The following CPLANE1 variants were observed in gnomAD, a reference collection of about 807,000 sequenced individuals.
The protein encoded by CPLANE1 is ciliogenesis and planar polarity effector complex subunit 1.
A neutral mutation model predicts 362.5 loss-of-function variants in CPLANE1; 263 were observed. The observed-to-expected ratio is 0.73, with a 90% CI of 0.66 to 0.80. CPLANE1 has a LOEUF of 0.80. CPLANE1 is among the 30% of genes least tolerant of loss of function. CPLANE1 has a pLI of 0.00. For synonymous variants in CPLANE1, 1,212 were observed against 1,302.6 expected (o/e 0.93, Z 1.50); for missense variants, 3,461 against 3,793.4 (o/e 0.91, Z 2.30).
chr5:37,185,971 T>C (rs1783861509), intron 24 of CPLANE1, among the ~76,000 whole-genome samples: 1 of 152,210 alleles, frequency 6.6e-6, no homozygotes, highest in Non-Finnish European at 1.5e-5. Context: ...CCTCTCTGAA[T>C]ACACATCATA....
chr5:37,230,888 A>G lies in CPLANE1; in HGVS notation c.1100T>C (p.Leu367Pro). The change falls in exon 9 of 53, where the codon CTT becomes CCT. Residue 367 changes from leucine (L) to proline (P), a missense_variant. Around this residue, in one of 2 missense-constraint regions of CPLANE1, gnomAD observed 3,380 missense variants for 3,666.1 expected, o/e 0.92. Coordinates refer to ENST00000651892, the MANE Select transcript of CPLANE1 (RefSeq NM_001384732.1). ...IEFGPAEFIP[L>P]HPLITYRPQQ... ...TCACCTATACGTTATTAGTGGATGA[A>G]GAGGAATAAATTCTGCTGGGCCAAA... The G allele has an allele frequency of 6.5e-7, 1 of 1,538,426 alleles. No individual in the cohort carries two copies. Among genetic ancestry groups the G allele is most frequent in the Non-Finnish European group, 8.8e-7 (1 of 1,140,624 alleles).
chr5:37,225,129 G>A (rs761362029), intron 12 of CPLANE1, among the ~76,000 whole-genome samples: 2 of 151,686 alleles, frequency 1.3e-5, no homozygotes, highest in African/African-American at 4.8e-5. Flanking sequence ...AATTGCAGTG[G>A]CTCCATCACA....
At chr5:37,204,123 C>A (rs950477900) in intron 18 of CPLANE1, among the ~76,000 whole-genome samples, 7 of 152,138 alleles carry the variant, frequency 4.6e-5, no homozygotes, top group Admixed American at 3.9e-4. Context: ...ATATTTTAGT[C>A]CCTTCTTTAA....
At chr5:37,165,420 T>A in intron 36 of CPLANE1, 119 bp downstream of exon 36, 3 of 930,284 alleles carry the variant, frequency 3.2e-6, no homozygotes, top group South Asian at 2.9e-5. Context: ...CTGAATGATA[T>A]GAAGATCCTC....
Position 37,224,541 on chromosome 5 carries a change from A to G in CPLANE1, c.2491T>C (p.Ser831Pro). 6.5e-7 allele frequency: 1 copy of G among 1,547,460 alleles called. No homozygotes were observed. The highest frequency in any genetic ancestry group is 8.7e-7 in the Non-Finnish European group (1 of 1,143,346). ...DCLNQTLELK[S>P]INGEECFLLG... ...TTCATAAGATACTGACCATTGATAG[A>G]TTTAAGTTCTAAGGTTTGATTCAAG... The change falls in exon 13 of 53, where the codon TCT (serine) becomes CCT (proline). Residue 831 changes from serine to proline, a missense_variant. By Grantham distance (74) the Ser-to-Pro change is moderately conservative. This residue lies in a region of CPLANE1 where 3,380 missense variants were observed against 3,666.1 expected (regional missense o/e 0.92). Transcript: ENST00000651892.
chr5:37,224,332 C>A lies in CPLANE1; in HGVS notation c.2502G>T (p.Gly834=). ...NQTLELKSIN[G]EECFLLGSYE... Reference sequence around the variant, plus strand: ...ATGATCCTAATAAAAAACATTCTTCCCCTAGAAAGTTTTTAACCAACAATT... The same window carrying A: ...ATGATCCTAATAAAAAACATTCTTCACCTAGAAAGTTTTTAACCAACAATT... Residue 834 remains glycine, a splice_region_variant and synonymous_variant, in exon 14 of 53, where the codon GGG becomes GGT. Coordinates refer to ENST00000651892, the MANE Select transcript of CPLANE1 (RefSeq NM_001384732.1). The A allele has an allele frequency of 6.5e-7, 1 of 1,540,718 alleles. No individual in the cohort carries two copies. Among genetic ancestry groups the A allele is most frequent in the Admixed American group, 2.0e-5 (1 of 49,858 alleles).
intron 43 of CPLANE1, among the ~76,000 whole-genome samples, 179 bp downstream of exon 43, chr5:37,148,002 C>A (rs545252199): frequency 1.5e-5 from 2 of 131,714 alleles, no homozygotes; most frequent in Non-Finnish European, 3.2e-5. Context: ...AAAAAAAGGC[C>A]GTGAGGTGGA....
intron 50 of CPLANE1, among the ~76,000 whole-genome samples, chr5:37,116,657 T>C (rs1056703957): frequency 6.6e-6 from 1 of 151,544 alleles, no homozygotes; most frequent in Non-Finnish European, 1.5e-5. Flanking sequence ...GAAGCAGGGC[T>C]GAAGAAATTA....
At chr5:37,170,361 C>A (rs189321984) in intron 32 of CPLANE1, 30 bp from the exon 33 acceptor site, 1 of 1,579,116 alleles carries the variant, frequency 6.3e-7, no homozygotes, top group African/African-American at 1.4e-5. Flanking sequence ...GAAGCGATAT[C>A]TTAAAATATA....
intron 26 of CPLANE1, among the ~76,000 whole-genome samples, chr5:37,181,470 T>C (rs558959918): frequency 7.9e-4 from 120 of 152,302 alleles, no homozygotes; most frequent in Admixed American, 2.0e-3. Flanking sequence ...GGATGACTAA[T>C]ATCACAGTAT....
chr5:37,114,761 G>A (rs538804325), intron 51 of CPLANE1, among the ~76,000 whole-genome samples, 199 bp downstream of exon 51: 7 of 152,072 alleles, frequency 4.6e-5, no homozygotes, highest in African/African-American at 1.4e-4. Flanking sequence ...TTAACCGGGC[G>A]CGGTGGTGGG....
At chr5:37,152,119 T>C (rs1406508434) in intron 42 of CPLANE1, among the ~76,000 whole-genome samples, 1 of 152,200 alleles carries the variant, frequency 6.6e-6, no homozygotes, top group Non-Finnish European at 1.5e-5. Flanking sequence ...AAGTCAATAA[T>C]GGAATTCTTA....
chr5:37,212,532 G>A (rs951392305), intron 16 of CPLANE1, among the ~76,000 whole-genome samples: 4 of 151,356 alleles, frequency 2.6e-5, no homozygotes, highest in South Asian at 2.1e-4. Flanking sequence ...AAATGTTTTC[G>A]TATTATCAAT....
At chr5:37,128,207 A>G (rs1341932269) in intron 46 of CPLANE1, among the ~76,000 whole-genome samples, 1 of 152,174 alleles carries the variant, frequency 6.6e-6, no homozygotes, top group Non-Finnish European at 1.5e-5. Flanking sequence ...GGGTTTCCCT[A>G]TGTTGCCCCT....
At chr5:37,243,722 C>A (rs1240456907) in intron 5 of CPLANE1, among the ~76,000 whole-genome samples, 2 of 144,254 alleles carry the variant, frequency 1.4e-5, no homozygotes, top group African/African-American at 2.5e-5. Context: ...ATATAATATA[C>A]ATGTATTATA....
chr5:37,233,303 G>T (rs1024003778), intron 8 of CPLANE1, among the ~76,000 whole-genome samples: 10 of 152,156 alleles, frequency 6.6e-5, no homozygotes, highest in Admixed American at 5.2e-4. Flanking sequence ...CTATCACCCT[G>T]CTGTGGGCTG....
At chr5:37,125,010 T>C in intron 47 of CPLANE1, 1 of 1,277,796 alleles carries the variant, frequency 7.8e-7, no homozygotes, top group Non-Finnish European at 9.8e-7. Flanking sequence ...TAGCCATCAT[T>C]AGCCTGGGGG....
intron 38 of CPLANE1, among the ~76,000 whole-genome samples, chr5:37,160,609 T>C (rs1042143506): frequency 6.6e-6 from 1 of 151,572 alleles, no homozygotes; most frequent in African/African-American, 2.4e-5. Flanking sequence ...TCATCATTTA[T>C]ATCAAAACCA....
chr5:37,079,568 T>C, the CPLANE1 span, among the ~76,000 whole-genome samples: 1 of 152,216 alleles, frequency 6.6e-6, no homozygotes, highest in Non-Finnish European at 1.5e-5. Context: ...AGCTGGGTCA[T>C]TCCCAATTTC....
Sources: gnomAD v4.1 joint callset for allele counts (sites outside exome capture counted in the v4.1 genomes callset) on GRCh38, gnomAD v4.1.1 for gene constraint, gnomAD v4.1.1 regional missense constraint, MANE v1.5 for transcripts, NCBI Gene and HGNC (gene_info 2026-07-23, HGNC 2026-07-21) for gene names.